NR2E1: variants seen among roughly 807,000 people sequenced by gnomAD.
NR2E1 encodes nuclear receptor subfamily 2 group E member 1, also known as nuclear receptor TLX.
Under a neutral mutation model 43.6 loss-of-function variants are expected in NR2E1, and 5 were observed. The observed-to-expected ratio is 0.11, with a 90% CI of 0.06 to 0.24. The LOEUF is 0.24. Ranked by LOEUF, NR2E1 falls within the 10% of genes least tolerant of loss-of-function variation. NR2E1 has a pLI of 1.00. For synonymous variants in NR2E1, 191 were observed against 195.5 expected (o/e 0.98, Z 0.19); for missense variants, 287 against 496.7 (o/e 0.58, Z 4.01).
Position 108,188,252 on chromosome 6 carries a change from AAAGTGG to A in NR2E1, c.*791_*796del, listed in dbSNP as rs2114685911. 1 of 152,384 alleles carries A rather than the reference AAAGTGG, an allele frequency of 6.6e-6. No homozygotes were observed. Among genetic ancestry groups the A allele is most frequent in the Non-Finnish European group, 1.5e-5 (1 of 68,090 alleles). 9.4% of individuals were successfully genotyped at this position (152,384 alleles called of 1,614,324 possible). On this transcript the variant is annotated 3_prime_UTR_variant, in exon 9 of 9. Transcript: ENST00000368986. ...ATGAATAAAAACAGCAAAACCAAAT[AAAGTGG>A]AGATGAGTGATTGAGTGAGGTAGAT...
At position 108,180,937 on chromosome 6, in the gene NR2E1, C is replaced by T; in HGVS notation, c.870C>T (p.Cys290=). The T allele has an allele frequency of 6.2e-7, 1 of 1,614,174 alleles. No individual in the cohort carries two copies. ...LDATEFACLK[C]IVTFKAVPTH... is the part of the protein sequence containing the mutation. ...CTACTGAATTTGCCTGTCTAAAATG[C>T]ATCGTCACTTTCAAAGCCGGTAAGC... The change falls in exon 7 of 9, where the codon TGC becomes TGT. Residue 290 remains cysteine (C), a synonymous_variant. Coordinates refer to ENST00000368986, the MANE Select transcript of NR2E1 (RefSeq NM_003269.5). The surrounding 1 kb of genome is among the most constrained non-coding windows in gnomAD (Gnocchi z 5.4).
intron 2 of NR2E1, among the ~76,000 whole-genome samples, chr6:108,173,853 A>G (rs868297507): frequency 8.5e-5 from 13 of 152,244 alleles, no homozygotes; most frequent in African/African-American, 2.7e-4. Context: ...TCCAAAGGAA[A>G]CTTTATCTGT....
chr6:108,174,209 C>G (rs1311676413), intron 2 of NR2E1, among the ~76,000 whole-genome samples: 1 of 152,210 alleles, frequency 6.6e-6, no homozygotes, highest in Non-Finnish European at 1.5e-5. Context: ...CAACTCTCAA[C>G]TTGCTGATAA....
intron 8 of NR2E1, among the ~76,000 whole-genome samples, chr6:108,186,092 C>T (rs1452224540): frequency 1.3e-5 from 2 of 151,814 alleles, no homozygotes; most frequent in African/African-American, 4.8e-5. Flanking sequence ...GATTACTTTC[C>T]AAGAAACATT....
Position 108,180,220 on chromosome 6 carries a change from G to T in NR2E1, c.643-103G>T. The stretch of plus-strand genomic sequence containing the variant: ...TATTCAGAAAAAATTACCAAGACAG[G>T]CATTTAAAACACTTTTTAAAATAAT... On this transcript the variant is annotated intron_variant, in intron 5 of 8. Coordinates refer to ENST00000368986, the MANE Select transcript of NR2E1 (RefSeq NM_003269.5). The surrounding 1 kb of genome is among the most constrained non-coding windows in gnomAD (Gnocchi z 5.4). 1 of 781,218 alleles carries T rather than the reference G, an allele frequency of 1.3e-6. No homozygotes were observed. Among genetic ancestry groups the T allele is most frequent in the African/African-American group, 1.7e-5 (1 of 57,594 alleles). The allele number at this position is 781,218 out of a possible 1,614,324, so 48.4% of individuals were successfully genotyped here. A position where few individuals can be genotyped will look rare whatever the true frequency, so the allele number is the denominator to read the frequency against.
At position 108,176,642 on chromosome 6, in the gene NR2E1, G is replaced by A. The variant is rs1186294587; in HGVS notation, c.399G>A (p.Ala133=). 6.2e-7 allele frequency: 1 copy of A among 1,609,348 alleles called. No homozygotes were observed. Among genetic ancestry groups the A allele is most frequent in the South Asian group, 1.1e-5 (1 of 90,806 alleles). The change falls in exon 4 of 9, where the codon GCG becomes GCA. Residue 133 remains alanine (A), a synonymous_variant. Coordinates refer to ENST00000368986, the MANE Select transcript of NR2E1 (RefSeq NM_003269.5). ...AALPAPAFFT[A]VTQLEPHGLE... is the part of the protein sequence containing the mutation. Reference sequence around the variant, plus strand: ...TCCCTGCGCCGGCCTTCTTCACCGCGGTCACGCAGCTGGAGCCGCACGGCC... The same window carrying A: ...TCCCTGCGCCGGCCTTCTTCACCGCAGTCACGCAGCTGGAGCCGCACGGCC...
intron 8 of NR2E1, among the ~76,000 whole-genome samples, chr6:108,182,714 A>C (rs1774012941): frequency 6.6e-6 from 1 of 152,086 alleles, no homozygotes; most frequent in African/African-American, 2.4e-5. Flanking sequence ...GCCTGCCACC[A>C]CGCCCAGCTA....
At chr6:108,182,241 CAAAAAAAAAAA>C (rs766203121) in intron 8 of NR2E1, among the ~76,000 whole-genome samples, 2 of 74,320 alleles carry the variant, frequency 2.7e-5, no homozygotes, top group Admixed American at 1.3e-4. Flanking sequence ...GACTCCGTCT[CAAAAAAAAAAA>C]AAAAAAAAAA....
chr6:108,183,534 A>G (rs1582450383), intron 8 of NR2E1, among the ~76,000 whole-genome samples: 1 of 152,178 alleles, frequency 6.6e-6, no homozygotes, highest in African/African-American at 2.4e-5. Context: ...TAATCTCAAC[A>G]TCAGCTATAG....
rs1439785743 is a variant in NR2E1 at position 108,169,291 on chromosome 6, G to A, written c.26-2167G>A. Among the ~76,000 whole-genome samples, 1 of 152,214 alleles carries A rather than the reference G, an allele frequency of 6.6e-6. No individual in the cohort carries two copies. Among genetic ancestry groups the A allele is most frequent in the South Asian group, 2.1e-4 (1 of 4,832 alleles). ...CTCAGAGGCAGGACTCGCACTGGTG[G>A]TGGCCTAGAGGGCAACAGTCCGGAA... On this transcript the variant is annotated intron_variant, in intron 1 of 8. Transcript: ENST00000368986. This position sits in a 1 kb window ranked among gnomAD's most constrained non-coding sequence, Gnocchi z 6.1.
chr6:108,175,785 G>A (rs1773886775), intron 3 of NR2E1, among the ~76,000 whole-genome samples: 1 of 152,250 alleles, frequency 6.6e-6, no homozygotes, highest in Non-Finnish European at 1.5e-5. Context: ...CTTCCTCTGC[G>A]GCGCAGGAAG....
rs931757484 is a variant in NR2E1, at chr6:108,173,773, C to T, written c.172-1063C>T. On this transcript the variant is annotated intron_variant, in intron 2 of 8. Coordinates refer to ENST00000368986, the MANE Select transcript of NR2E1 (RefSeq NM_003269.5). ...TCTTAAATATTTTCTGTGTATAAAA[C>T]TCATGCACATGACTCTTTATGTATC... 2.0e-5 allele frequency among the ~76,000 whole-genome samples: 3 copies of T among 152,234 alleles called. No homozygotes were observed. The South Asian group carries it at 6.2e-4, about 31-fold the overall frequency.
Position 108,188,519 on chromosome 6 carries a change from A to T in NR2E1, c.*1056A>T, listed in dbSNP as rs1459750805. Reference sequence around the variant, plus strand: ...CTTGAATGAACACACACACACACACACACACACACACACACACACACACAC... The same window carrying T: ...CTTGAATGAACACACACACACACACTCACACACACACACACACACACACAC... On this transcript the variant is annotated 3_prime_UTR_variant, in exon 9 of 9. Coordinates refer to ENST00000368986, the MANE Select transcript of NR2E1 (RefSeq NM_003269.5). 6.6e-6 allele frequency: 1 copy of T among 151,334 alleles called. No homozygotes were observed. The highest frequency in any genetic ancestry group is 1.5e-5 in the Non-Finnish European group (1 of 67,902). 9.4% of individuals were successfully genotyped at this position (151,334 alleles called of 1,614,324 possible).
At chr6:108,167,995 C>A in intron 1 of NR2E1, 1 of 1,563,622 alleles carries the variant, frequency 6.4e-7, no homozygotes. Context: ...AAAATTAGAG[C>A]AAAATGAACG....
In NR2E1 at chr6:108,180,817, T is replaced by A; in HGVS notation, c.750T>A (p.Gly250=). 1 of 1,614,032 alleles carries A rather than the reference T, an allele frequency of 6.2e-7. No individual in the cohort carries two copies. The highest frequency in any genetic ancestry group is 8.5e-7 in the Non-Finnish European group (1 of 1,179,870). The change falls in exon 7 of 9, where the codon GGT becomes GGA. Residue 250 remains glycine (G), a synonymous_variant. Coordinates refer to ENST00000368986, the MANE Select transcript of NR2E1 (RefSeq NM_003269.5). This position sits in a 1 kb window ranked among gnomAD's most constrained non-coding sequence, Gnocchi z 5.4. ...NTLLAVSGMN[G]DNTDSQKLNK... The stretch of plus-strand genomic sequence containing the variant: ...ATATTTTTATTCTAGGCATGAACGG[T>A]GACAACACAGATTCCCAGAAGCTGA...
chr6:108,183,533 C>T (rs933633483), intron 8 of NR2E1, among the ~76,000 whole-genome samples: 1 of 152,152 alleles, frequency 6.6e-6, no homozygotes, highest in Non-Finnish European at 1.5e-5. Context: ...ATAATCTCAA[C>T]ATCAGCTATA....
In NR2E1 at chr6:108,174,825, C is replaced by T; in HGVS notation, c.172-11C>T. On this transcript the variant is annotated splice_polypyrimidine_tract_variant and intron_variant, in intron 2 of 8. Coordinates refer to ENST00000368986, the MANE Select transcript of NR2E1 (RefSeq NM_003269.5). ...CCCTGGGGACCGCTGACCTCCTGCT[C>T]TCTGTTCCAGGGAGGCTGTCCGGTG... The T allele has an allele frequency of 1.2e-6, 2 of 1,613,392 alleles. No homozygotes were observed. The highest frequency in any genetic ancestry group is 1.1e-5 in the South Asian group (1 of 91,060).
chr6:108,172,267 G>T (rs1301902391), intron 2 of NR2E1, among the ~76,000 whole-genome samples: 10 of 152,216 alleles, frequency 6.6e-5, no homozygotes, highest in African/African-American at 2.2e-4. Context: ...GGCAGGGTGA[G>T]GAAGAAGAGA....
In NR2E1 at chr6:108,176,619, C is replaced by T. The variant is rs754558248; in HGVS notation, c.376C>T (p.Pro126Ser). The T allele has an allele frequency of 3.7e-6, 6 of 1,611,538 alleles. No individual in the cohort carries two copies. Among genetic ancestry groups the T allele is most frequent in the Admixed American group, 3.3e-5 (2 of 59,950 alleles). Reference sequence around the variant, plus strand: ...CGCGCACTTTCCCTCGGCGGCGCTCCCTGCGCCGGCCTTCTTCACCGCGGT... The same window carrying T: ...CGCGCACTTTCCCTCGGCGGCGCTCTCTGCGCCGGCCTTCTTCACCGCGGT... ...AAAHFPSAAL[P>S]APAFFTAVTQ... Residue 126 changes from proline to serine, a missense_variant, in exon 4 of 9, where the codon CCT (proline) becomes TCT (serine). Coordinates refer to ENST00000368986, the MANE Select transcript of NR2E1 (RefSeq NM_003269.5).
Sources: gnomAD v4.1 joint callset for allele counts (sites outside exome capture counted in the v4.1 genomes callset) on GRCh38, gnomAD v4.1.1 for gene constraint, Gnocchi (gnomAD v3.1) non-coding constraint, MANE v1.5 for transcripts, NCBI Gene and HGNC (gene_info 2026-07-23, HGNC 2026-07-21) for gene names.